PPFIBP2: variants seen among roughly 807,000 people sequenced by gnomAD.
PPFIBP2 encodes the protein PPFIB scaffold protein 2.
PPFIBP2 carries 118 observed loss-of-function variants against 118.3 expected under a neutral mutation model. The ratio of observed to expected loss-of-function variants is 1.00; its 90% CI spans 0.86 to 1.16. The LOEUF is 1.16. Ranked by LOEUF, PPFIBP2 falls within the 50% of genes most tolerant of loss-of-function variation. The probability of loss-of-function intolerance (pLI) is 0.00; values close to 1 mark genes in which losing one functional copy is unlikely to be tolerated. For missense variants in PPFIBP2, 1,195 were observed against 1,073.1 expected (o/e 1.11, Z -1.59); for synonymous variants, 414 against 397.4 (o/e 1.04, Z -0.50).
chr11:7,653,803 A>G (rs11041502), downstream of PPFIBP2: 25,824 of 1,194,732 alleles, frequency 0.022, 588 homozygotes, highest in African/African-American at 0.09. Context: ...AAAAGAGCTG[A>G]GGGTAGCTGG....
rs553896782 is a variant in PPFIBP2, at chr11:7,617,095, T to C, written c.619-3840T>C. ...TGACCTGGAGTGCTTTTCTCTTCTT[T>C]CTTTTCCTTCCTACAGTCGGTTCTG... On this transcript the variant is annotated intron_variant, in intron 6 of 23. Transcript: ENST00000299492. The C allele has an allele frequency of 6.2e-4, 614 of 985,148 alleles. 5 individuals carry two copies. In the South Asian group the frequency reaches 0.013, roughly 20 times the overall value. The allele number at this position is 985,148 out of a possible 1,614,324, so 61.0% of individuals were successfully genotyped here. A position where few individuals can be genotyped will look rare whatever the true frequency, so the allele number is the denominator to read the frequency against.
chr11:7,666,908 C>G, the PPFIBP2 span: 1 of 186,134 alleles, frequency 5.4e-6, no homozygotes, highest in Non-Finnish European at 1.1e-5. Context: ...GCAAACCTAA[C>G]TGGAACAAGC....
intron 2 of PPFIBP2, among the ~76,000 whole-genome samples, chr11:7,560,833 T>G (rs1174211029): frequency 6.6e-6 from 1 of 152,246 alleles, no homozygotes; most frequent in South Asian, 2.1e-4. Flanking sequence ...TTTCAACAAT[T>G]TACGTAGGTG....
At chr11:7,531,918 C>T (rs371501297) in intron 1 of PPFIBP2, among the ~76,000 whole-genome samples, 20 of 152,246 alleles carry the variant, frequency 1.3e-4, no homozygotes, top group African/African-American at 4.1e-4. Context: ...TCACAGCATC[C>T]TCCACCTCCT....
intron 2 of PPFIBP2, among the ~76,000 whole-genome samples, chr11:7,553,787 T>C (rs1853267656): frequency 6.6e-6 from 1 of 152,216 alleles, no homozygotes; most frequent in African/African-American, 2.4e-5. Context: ...CCCCCCAAGA[T>C]CATAGTGCTG....
At chr11:7,536,734 G>A (rs1214321554) in intron 1 of PPFIBP2, among the ~76,000 whole-genome samples, 2 of 152,114 alleles carry the variant, frequency 1.3e-5, no homozygotes, top group African/African-American at 2.4e-5. Flanking sequence ...GAAGGAAGAA[G>A]AGACATGTGA....
At chr11:7,629,364 TCTC>T in intron 9 of PPFIBP2, 92 bp from the exon 10 acceptor site, 1 of 1,226,306 alleles carries the variant, frequency 8.2e-7, no homozygotes, top group African/African-American at 1.5e-5. Flanking sequence ...TGGGATTTCT[TCTC>T]CTTGTGCCAA....
At position 7,635,179 on chromosome 11, in the gene PPFIBP2, C is replaced by A. The variant is rs114455507; in HGVS notation, c.1195-373C>A. 3.5e-3 allele frequency among the ~76,000 whole-genome samples: 528 copies of A among 152,216 alleles called. 3 individuals carry two copies. Among genetic ancestry groups the A allele is most frequent in the African/African-American group, 0.012 (502 of 41,534 alleles). On this transcript the variant is annotated intron_variant, in intron 13 of 23. Transcript: ENST00000299492. The stretch of plus-strand genomic sequence containing the variant: ...CCAAGGGAGCCTGCCCTGATAGAGA[C>A]CCTTCAGTGAGCCTGTGCTGCATAC...
intron 2 of PPFIBP2, among the ~76,000 whole-genome samples, chr11:7,553,018 G>A (rs1428022394): frequency 1.3e-5 from 2 of 152,010 alleles, no homozygotes; most frequent in Non-Finnish European, 2.9e-5. Flanking sequence ...CATAATTGGT[G>A]GTTTTAGGCA....
chr11:7,580,827 T>C (rs1010046902), intron 3 of PPFIBP2, among the ~76,000 whole-genome samples: 2 of 152,196 alleles, frequency 1.3e-5, no homozygotes, highest in Admixed American at 1.3e-4. Context: ...ATGTAGGAAA[T>C]ACTCAATAAC....
intron 3 of PPFIBP2, among the ~76,000 whole-genome samples, chr11:7,582,815 C>T (rs1163230049): frequency 6.6e-6 from 1 of 152,134 alleles, no homozygotes; most frequent in East Asian, 1.9e-4. Flanking sequence ...GTTTCATGGG[C>T]CAGGAGTCCC....
intron 3 of PPFIBP2, among the ~76,000 whole-genome samples, chr11:7,591,876 C>T (rs1207419920): frequency 1.3e-5 from 2 of 152,194 alleles, no homozygotes; most frequent in South Asian, 2.1e-4. Flanking sequence ...GCCTCCCTCA[C>T]CTATGCAGTG....
chr11:7,519,302 G>T (rs965168255), intron 1 of PPFIBP2, among the ~76,000 whole-genome samples: 1 of 152,172 alleles, frequency 6.6e-6, no homozygotes, highest in East Asian at 1.9e-4. Flanking sequence ...GGAGAAAGGC[G>T]ATCAGGGCTG....
intron 11 of PPFIBP2, 39 bp downstream of exon 11, chr11:7,631,067 T>A: frequency 6.6e-7 from 1 of 1,512,688 alleles, no homozygotes; most frequent in Admixed American, 1.7e-5. Flanking sequence ...TTTCAGCAGG[T>A]CCTCCGAGCT....
the PPFIBP2 span, among the ~76,000 whole-genome samples, chr11:7,664,720 G>A: frequency 6.6e-6 from 1 of 151,948 alleles, no homozygotes; most frequent in Non-Finnish European, 1.5e-5. Flanking sequence ...GAGAGATGGG[G>A]GTGGCCAGAG....
At chr11:7,547,454 G>T (rs533600292) in intron 1 of PPFIBP2, among the ~76,000 whole-genome samples, 9 of 152,260 alleles carry the variant, frequency 5.9e-5, no homozygotes, top group Admixed American at 4.6e-4. Context: ...AAAGAGCAGT[G>T]GGAAGGATTT....
chr11:7,557,637 A>G (rs892054052), intron 2 of PPFIBP2, among the ~76,000 whole-genome samples: 1 of 152,092 alleles, frequency 6.6e-6, no homozygotes, highest in Non-Finnish European at 1.5e-5. Context: ...GGTGCCCACC[A>G]CCATTCCCAT....
the PPFIBP2 span, chr11:7,666,775 G>A: frequency 2.3e-6 from 1 of 429,388 alleles, no homozygotes; most frequent in Non-Finnish European, 4.3e-6. Context: ...TCCATGGGAT[G>A]TAGGTTCCCA....
intron 1 of PPFIBP2, among the ~76,000 whole-genome samples, chr11:7,543,383 G>C (rs1851984747): frequency 6.6e-6 from 1 of 152,224 alleles, no homozygotes; most frequent in Non-Finnish European, 1.5e-5. Flanking sequence ...AGGTAGGAAA[G>C]GAGTTAGGTT....
Sources: gnomAD v4.1 joint callset for allele counts (sites outside exome capture counted in the v4.1 genomes callset) on GRCh38, gnomAD v4.1.1 for gene constraint, MANE v1.5 for transcripts, NCBI Gene and HGNC (gene_info 2026-07-23, HGNC 2026-07-21) for gene names.